PACRG: variants seen among roughly 807,000 people sequenced by gnomAD.
The protein encoded by PACRG is parkin coregulated.
In PACRG, 29 loss-of-function variants were observed where a neutral mutation model predicts 29.7. The observed-to-expected ratio is 0.98, with a 90% confidence interval of 0.73 to 1.33. The LOEUF (loss-of-function observed/expected upper bound fraction) is 1.33, where lower values mean the gene tolerates loss of function less well. PACRG is among the 40% of genes most tolerant of loss of function. The pLI, the probability that PACRG is intolerant of heterozygous loss-of-function variation, is 0.00. For synonymous variants in PACRG, 116 were observed against 118.7 expected (o/e 0.98, Z 0.15); for missense variants, 279 against 316.2 (o/e 0.88, Z 0.89).
chr6:162,883,708 G>GTGTGTA, intron 2 of PACRG, among the ~76,000 whole-genome samples: 2 of 148,268 alleles, frequency 1.3e-5, no homozygotes, highest in South Asian at 4.3e-4. Context: ...GTGTGTGTGT[G>GTGTGTA]TGTGTGTATG....
chr6:162,913,875 C>A (rs1212840923), intron 2 of PACRG, among the ~76,000 whole-genome samples: 3 of 152,012 alleles, frequency 2.0e-5, no homozygotes, highest in Non-Finnish European at 4.4e-5. Context: ...GCTTATATAT[C>A]TTCTTTTGTG....
Position 162,834,512 on chromosome 6 carries a change from T to G in PACRG, c.291+20231T>G, listed in dbSNP as rs1440948687. 3.9e-5 allele frequency among the ~76,000 whole-genome samples: 6 copies of G among 152,164 alleles called. No homozygotes were observed. In the East Asian group the frequency reaches 1.2e-3, roughly 29 times the overall value. ...AATATCCCTTAAACCAATGGGCACA[T>G]GTACGTGTGTATTTTTGTATTCAAT... On this transcript the variant is annotated intron_variant, in intron 2 of 4. Transcript: ENST00000366888.
At chr6:162,865,562 A>T (rs1359858873) in intron 2 of PACRG, among the ~76,000 whole-genome samples, 2 of 152,170 alleles carry the variant, frequency 1.3e-5, no homozygotes, top group East Asian at 3.9e-4. Flanking sequence ...CAGATTTATA[A>T]TTCCACTCAA....
intron 2 of PACRG, among the ~76,000 whole-genome samples, chr6:162,873,106 G>A (rs980878646): frequency 6.6e-6 from 1 of 152,162 alleles, no homozygotes; most frequent in African/African-American, 2.4e-5. Context: ...TGCCTAATAT[G>A]TTTTTCCCTG....
intron 2 of PACRG, among the ~76,000 whole-genome samples, chr6:162,891,606 C>T (rs538800600): frequency 6.6e-6 from 1 of 152,270 alleles, no homozygotes; most frequent in African/African-American, 2.4e-5. Flanking sequence ...ACTGCTACTT[C>T]CCTTGGTAAT....
chr6:163,269,486 G>T (rs1783653157), intron 4 of PACRG, among the ~76,000 whole-genome samples: 1 of 152,174 alleles, frequency 6.6e-6, no homozygotes, highest in African/African-American at 2.4e-5. Context: ...CTCTTTCTGA[G>T]ACCTGGTTCT....
chr6:163,185,884 T>G (rs565458679), intron 4 of PACRG, among the ~76,000 whole-genome samples: 1 of 152,290 alleles, frequency 6.6e-6, no homozygotes, highest in South Asian at 2.1e-4. Flanking sequence ...GCTCCAGAGC[T>G]GCTTCCCTGT....
rs147137590 is a variant in PACRG, at chr6:163,151,514, G to A, written c.613+62106G>A. On this transcript the variant is annotated intron_variant, in intron 4 of 4. Transcript: ENST00000366888. ...TCCAAAGCATGTGTTTTTCTTTGGT[G>A]TTCCTGCAAATTAGCACGAATCTGT... 7.2e-5 allele frequency among the ~76,000 whole-genome samples: 11 copies of A among 152,284 alleles called. No individual in the cohort carries two copies. The East Asian group carries it at 1.9e-3, about 27-fold the overall frequency.
At chr6:163,290,125 G>A (rs759882007) in intron 4 of PACRG, among the ~76,000 whole-genome samples, 35 of 152,116 alleles carry the variant, frequency 2.3e-4, no homozygotes, top group Non-Finnish European at 4.4e-5. Flanking sequence ...CTCCCAGAGT[G>A]CTGGGATTAC....
At chr6:162,784,667 A>G (rs563609536) in intron 1 of PACRG, among the ~76,000 whole-genome samples, 2 of 152,214 alleles carry the variant, frequency 1.3e-5, no homozygotes, top group African/African-American at 2.4e-5. Flanking sequence ...GAAAACAGAT[A>G]CAGAAGACTG....
At chr6:163,311,970 G>C (rs1785436664) in intron 4 of PACRG, among the ~76,000 whole-genome samples, 1 of 152,106 alleles carries the variant, frequency 6.6e-6, no homozygotes, top group South Asian at 2.1e-4. Context: ...GGTCTATTCA[G>C]CTCTTGACCT....
intron 2 of PACRG, among the ~76,000 whole-genome samples, chr6:162,980,118 G>A (rs1334055916): frequency 6.6e-6 from 1 of 151,936 alleles, no homozygotes; most frequent in Admixed American, 6.6e-5. Context: ...TCTTTAGAAG[G>A]TTCAAGGTTT....
intron 4 of PACRG, among the ~76,000 whole-genome samples, chr6:163,092,054 A>G (rs960058413): frequency 6.6e-6 from 1 of 152,176 alleles, no homozygotes; most frequent in Non-Finnish European, 1.5e-5. Context: ...CAGATTCAAA[A>G]ATATTTCTTT....
At chr6:162,753,668 G>A (rs1012939686) in intron 1 of PACRG, among the ~76,000 whole-genome samples, 1 of 152,064 alleles carries the variant, frequency 6.6e-6, no homozygotes, top group Admixed American at 6.6e-5. Flanking sequence ...CCCCCATGCT[G>A]TTCTCATGAT....
chr6:163,005,600 G>A (rs576987934), intron 2 of PACRG, among the ~76,000 whole-genome samples: 1 of 151,524 alleles, frequency 6.6e-6, no homozygotes, highest in South Asian at 2.1e-4. Flanking sequence ...TGTTACTAAT[G>A]CTCATTTAAT....
At chr6:162,916,495 C>A (rs770537065) in intron 2 of PACRG, among the ~76,000 whole-genome samples, 62 of 152,200 alleles carry the variant, frequency 4.1e-4, no homozygotes, top group Non-Finnish European at 6.9e-4. Context: ...TCCTTCCCTT[C>A]TGGAACCTAA....
At chr6:162,796,729 CAT>C (rs1358000900) in intron 1 of PACRG, among the ~76,000 whole-genome samples, 2 of 151,870 alleles carry the variant, frequency 1.3e-5, no homozygotes, top group African/African-American at 2.4e-5. Flanking sequence ...GGATACCTCA[CAT>C]GTTTTTCTCA....
chr6:163,161,431 T>G (rs1427715388), intron 4 of PACRG, among the ~76,000 whole-genome samples: 1 of 152,210 alleles, frequency 6.6e-6, no homozygotes, highest in Non-Finnish European at 1.5e-5. Flanking sequence ...TATTAGGGCA[T>G]TTTGATGTAT....
At chr6:162,919,155 G>A (rs1314999872) in intron 2 of PACRG, among the ~76,000 whole-genome samples, 3 of 152,212 alleles carry the variant, frequency 2.0e-5, no homozygotes, top group Non-Finnish European at 2.9e-5. Flanking sequence ...AGCAGTTTAC[G>A]AGGCATATTT....
Sources: allele counts gnomAD v4.1 joint callset (sites outside exome capture counted in the v4.1 genomes callset), GRCh38; gene constraint gnomAD v4.1.1; transcripts MANE v1.5; gene names NCBI Gene and HGNC (gene_info 2026-07-23, HGNC 2026-07-21).